The following CD86 variants were observed in gnomAD, a reference collection of about 807,000 sequenced individuals.
CD86 encodes CD86 molecule.
In CD86, 11 loss-of-function variants were observed where a neutral mutation model predicts 32.1. The observed-to-expected ratio is 0.34, with a 90% CI of 0.22 to 0.57. CD86 has a LOEUF of 0.57. Among genes scored for constraint, CD86 ranks in the 20% least tolerant of loss-of-function variants. The pLI is 0.86. For missense variants in CD86, 359 were observed against 398.4 expected (o/e 0.90, Z 0.84); for synonymous variants, 137 against 135.3 (o/e 1.01, Z -0.09).
chr3:122,055,372 G>A lies in CD86; in HGVS notation c.-118G>A, dbSNP rs967193193. 7 of 976,856 alleles carry A rather than the reference G, an allele frequency of 7.2e-6. No individual in the cohort carries two copies. The highest frequency in any genetic ancestry group is 9.9e-6 in the Non-Finnish European group (6 of 609,104). The allele number at this position is 976,856 out of a possible 1,614,324, so 60.5% of individuals were successfully genotyped here. A position where few individuals can be genotyped will look rare whatever the true frequency, so the allele number is the denominator to read the frequency against. ...GCTGGGTAGGTATACAGTCATTGCC[G>A]AGGAAGGCTTGCACAGGGTGAAAGC... On this transcript the variant is annotated 5_prime_UTR_variant, in exon 1 of 7. Transcript: ENST00000330540.
chr3:122,086,793 A>G (rs2072729161), intron 1 of CD86, among the ~76,000 whole-genome samples: 1 of 152,160 alleles, frequency 6.6e-6, no homozygotes, highest in Admixed American at 6.5e-5. Flanking sequence ...AGGAGCCACC[A>G]TCACACCTGG....
chr3:122,091,430 C>T (rs921369677), intron 1 of CD86, among the ~76,000 whole-genome samples, 171 bp from the exon 2 acceptor site: 3 of 152,134 alleles, frequency 2.0e-5, no homozygotes, highest in Non-Finnish European at 2.9e-5. Context: ...TGTGACCTAT[C>T]GATGGAGCTA....
rs1446396513 is a variant in CD86 at position 122,120,616 on chromosome 3, G to A, written c.*1082G>A. 4 of 152,214 alleles carry A rather than the reference G, an allele frequency of 2.6e-5. No homozygotes were observed. The highest frequency in any genetic ancestry group is 1.3e-4 in the Admixed American group (2 of 15,282). 9.4% of individuals were successfully genotyped at this position (152,214 alleles called of 1,614,324 possible). Reference sequence around the variant, plus strand: ...CTGGAAGCAGAGCTGGGGAGGGAGAGCCATCACCTTGATAATGGGATGAAT... The same window carrying A: ...CTGGAAGCAGAGCTGGGGAGGGAGAACCATCACCTTGATAATGGGATGAAT... On this transcript the variant is annotated 3_prime_UTR_variant, in exon 7 of 7. Coordinates refer to ENST00000330540, the MANE Select transcript of CD86 (RefSeq NM_175862.5).
At chr3:122,110,991 A>G (rs1345843289) in intron 5 of CD86, among the ~76,000 whole-genome samples, 2 of 152,186 alleles carry the variant, frequency 1.3e-5, no homozygotes, top group African/African-American at 4.8e-5. Context: ...TCAGGAGACT[A>G]GATAGGGGAG....
intron 1 of CD86, among the ~76,000 whole-genome samples, chr3:122,078,289 G>C (rs1393465664): frequency 6.6e-6 from 1 of 152,172 alleles, no homozygotes; most frequent in East Asian, 1.9e-4. Context: ...TGAGCTAAGA[G>C]ACAAAATAGG....
chr3:122,102,745 A>G (rs1276126236), intron 2 of CD86, among the ~76,000 whole-genome samples: 2 of 152,152 alleles, frequency 1.3e-5, no homozygotes, highest in Non-Finnish European at 2.9e-5. Flanking sequence ...ATTGACCACC[A>G]CAATCCGAAA....
intron 2 of CD86, among the ~76,000 whole-genome samples, chr3:122,098,395 T>C (rs1403922265): frequency 6.6e-6 from 1 of 151,702 alleles, no homozygotes; most frequent in East Asian, 1.9e-4. Context: ...TGAGACAGAG[T>C]GTGTGATCTT....
chr3:122,075,472 G>A (rs564028431), intron 1 of CD86, among the ~76,000 whole-genome samples: 9 of 152,184 alleles, frequency 5.9e-5, no homozygotes, highest in Non-Finnish European at 1.2e-4. Context: ...TGGATTGGAG[G>A]AGTGAGTGGC....
intron 1 of CD86, among the ~76,000 whole-genome samples, chr3:122,066,137 C>T (rs1370893649): frequency 1.3e-5 from 2 of 152,156 alleles, no homozygotes; most frequent in East Asian, 1.9e-4. Context: ...CAGGCATTGG[C>T]TGAGGGTCCC....
intron 5 of CD86, among the ~76,000 whole-genome samples, chr3:122,111,394 G>A (rs2073171157): frequency 6.6e-6 from 1 of 152,206 alleles, no homozygotes; most frequent in Non-Finnish European, 1.5e-5. Context: ...CCTGTAATAT[G>A]TTATCTTACA....
At chr3:122,061,315 T>A (rs150351538) in intron 1 of CD86, among the ~76,000 whole-genome samples, 174 of 152,300 alleles carry the variant, frequency 1.1e-3, no homozygotes, top group African/African-American at 3.9e-3. Context: ...TGAATACAAA[T>A]GAAATTGCTG....
intron 2 of CD86, among the ~76,000 whole-genome samples, chr3:122,098,573 G>T (rs1210292498): frequency 6.6e-6 from 1 of 152,154 alleles, no homozygotes; most frequent in Non-Finnish European, 1.5e-5. Flanking sequence ...TTTCAGTTTG[G>T]TGGAAGGCAT....
chr3:122,076,994 T>C (rs1304096059), intron 1 of CD86, among the ~76,000 whole-genome samples: 2 of 152,178 alleles, frequency 1.3e-5, no homozygotes, highest in East Asian at 3.9e-4. Flanking sequence ...TCCCCAACCC[T>C]GTCAACAACA....
intron 4 of CD86, among the ~76,000 whole-genome samples, chr3:122,108,641 C>A (rs72965472): frequency 0.01 from 1,566 of 152,216 alleles, 17 homozygotes; most frequent in African/African-American, 0.036. Context: ...GGAAGTAGTT[C>A]CTGAAGGCGT....
rs2073283116 is a variant in CD86, at chr3:122,118,100, C to T, written c.893+7C>T. 6.4e-7 allele frequency: 1 copy of T among 1,570,062 alleles called. No homozygotes were observed. The highest frequency in any genetic ancestry group is 1.1e-5 in the South Asian group (1 of 88,908). ...GTGAACAGACCAAGAAAAGGTAAAT[C>T]CTGACCCTGAGACATTGATGAGAGA... On this transcript the variant is annotated splice_region_variant and intron_variant, in intron 6 of 6. Coordinates refer to ENST00000330540, the MANE Select transcript of CD86 (RefSeq NM_175862.5).
chr3:122,093,684 T>C (rs780987549), intron 2 of CD86, among the ~76,000 whole-genome samples: 6 of 152,232 alleles, frequency 3.9e-5, no homozygotes, highest in Non-Finnish European at 7.3e-5. Context: ...GTGCAATACA[T>C]GACAGTATAT....
chr3:122,084,678 C>G (rs1559903853), intron 1 of CD86, among the ~76,000 whole-genome samples: 1 of 152,054 alleles, frequency 6.6e-6, no homozygotes, highest in Non-Finnish European at 1.5e-5. Flanking sequence ...GGACATCTTA[C>G]GTGGTGGCTC....
chr3:122,055,435 C>A lies in CD86; in HGVS notation c.-55C>A. 1.3e-6 allele frequency: 2 copies of A among 1,587,442 alleles called. No individual in the cohort carries two copies. The highest frequency in any genetic ancestry group is 1.3e-5 in the African/African-American group (1 of 74,492). Reference sequence around the variant, plus strand: ...CTGCTGTAACAGGGACTAGCACAGACACACGGATGAGTGGGGTCATTTCCA... The same window carrying A: ...CTGCTGTAACAGGGACTAGCACAGAAACACGGATGAGTGGGGTCATTTCCA... On this transcript the variant is annotated 5_prime_UTR_variant, in exon 1 of 7. Coordinates refer to ENST00000330540, the MANE Select transcript of CD86 (RefSeq NM_175862.5).
intron 3 of CD86, among the ~76,000 whole-genome samples, chr3:122,105,743 A>T (rs2073080176): frequency 6.6e-6 from 1 of 152,110 alleles, no homozygotes; most frequent in Non-Finnish European, 1.5e-5. Flanking sequence ...GAAAGATATG[A>T]CGCAGGGCAT....
Sources: allele counts gnomAD v4.1 joint callset (sites outside exome capture counted in the v4.1 genomes callset), GRCh38; gene constraint gnomAD v4.1.1; transcripts MANE v1.5; gene names NCBI Gene and HGNC (gene_info 2026-07-23, HGNC 2026-07-21).